The following GYPE variants were observed in gnomAD, a reference collection of about 807,000 sequenced individuals.
GYPE encodes glycophorin-E.
In GYPE, 8 loss-of-function variants were observed where a neutral mutation model predicts 11.6. The ratio of observed to expected loss-of-function variants is 0.69; its 90% CI spans 0.41 to 1.25. GYPE has a LOEUF of 1.25. Ranked by LOEUF, GYPE falls within the 50% of genes most tolerant of loss-of-function variation. The pLI, the probability that GYPE is intolerant of heterozygous loss-of-function variation, is 0.01. For missense variants in GYPE, 90 were observed against 92.8 expected (o/e 0.97, Z 0.12); for synonymous variants, 28 against 29.6 (o/e 0.94, Z 0.18).
chr4:143,872,421 A>G (rs1308197424), intron 3 of GYPE, among the ~76,000 whole-genome samples, 169 bp from the exon 4 acceptor site: 3 of 152,140 alleles, frequency 2.0e-5, no homozygotes, highest in African/African-American at 4.8e-5. Flanking sequence ...CAAATTTAAA[A>G]AATTAATTTT....
intron 1 of GYPE, among the ~76,000 whole-genome samples, chr4:143,894,804 C>G (rs2149913593): frequency 6.6e-6 from 1 of 152,130 alleles, no homozygotes; most frequent in South Asian, 2.1e-4. Flanking sequence ...AGCTTATCCA[C>G]CATGATCAAG....
rs1743612332 is a variant in GYPE, at chr4:143,871,304, A to G, written c.*958T>C. 6.6e-6 allele frequency: 1 copy of G among 152,142 alleles called. No individual in the cohort carries two copies. The highest frequency in any genetic ancestry group is 2.4e-5 in the African/African-American group (1 of 41,420). 9.4% of individuals were successfully genotyped at this position (152,142 alleles called of 1,614,324 possible). On this transcript the variant is annotated 3_prime_UTR_variant, in exon 4 of 4. Coordinates refer to ENST00000358615, the MANE Select transcript of GYPE (RefSeq NM_198682.3). ...CCTAAATCCTGGTGTTTTTATGGTT[A>G]CGGGTGGCATATAATATACAGGTAA...
intron 1 of GYPE, among the ~76,000 whole-genome samples, chr4:143,896,367 C>T (rs1464938804): frequency 6.6e-6 from 1 of 152,154 alleles, no homozygotes; most frequent in African/African-American, 2.4e-5. Flanking sequence ...AGATACTTCT[C>T]AAAAGAAGAC....
chr4:143,871,780 A>T lies in GYPE; in HGVS notation c.*482T>A, dbSNP rs570294253. 1.3e-5 allele frequency: 2 copies of T among 152,288 alleles called. No individual in the cohort carries two copies. The highest frequency in any genetic ancestry group is 3.9e-4 in the East Asian group (2 of 5,174). The allele number at this position is 152,288 out of a possible 1,614,324, so 9.4% of individuals were successfully genotyped here. On this transcript the variant is annotated 3_prime_UTR_variant, in exon 4 of 4. Coordinates refer to ENST00000358615, the MANE Select transcript of GYPE (RefSeq NM_198682.3). ...CAGTCTGTTCGGGCGGCATTTTGCC[A>T]ATATAGCCCTATCCTAAGGGAAAGG...
intron 1 of GYPE, among the ~76,000 whole-genome samples, chr4:143,902,622 T>C (rs932331993): frequency 7.2e-5 from 11 of 151,778 alleles, no homozygotes; most frequent in Non-Finnish European, 1.5e-4. Flanking sequence ...TCTTCCTTTC[T>C]CTCCCTCTCT....
chr4:143,898,923 AG>A lies in GYPE; in HGVS notation c.37+6547del, dbSNP rs1321077329. ...TTTCAGTGCCATGATCTCTATTCTC[AG>A]TTGCCTCAAATAGCTGTACTATTCA... On this transcript the variant is annotated intron_variant, in intron 1 of 3. Transcript: ENST00000358615. Among the ~76,000 whole-genome samples, 4 of 149,414 alleles carry A rather than the reference AG, an allele frequency of 2.7e-5. No homozygotes were observed. In the East Asian group the frequency reaches 7.9e-4, roughly 29 times the overall value.
At chr4:143,896,245 T>C (rs1441522695) in intron 1 of GYPE, among the ~76,000 whole-genome samples, 2 of 152,112 alleles carry the variant, frequency 1.3e-5, no homozygotes, top group East Asian at 3.9e-4. Context: ...AGAACATTTT[T>C]GCAACCTACT....
Position 143,871,577 on chromosome 4 carries a change from G to A in GYPE, c.*685C>T, listed in dbSNP as rs1441214977. 1 of 152,130 alleles carries A rather than the reference G, an allele frequency of 6.6e-6. No individual in the cohort carries two copies. The highest frequency in any genetic ancestry group is 1.5e-5 in the Non-Finnish European group (1 of 68,096). 9.4% of individuals were successfully genotyped at this position (152,130 alleles called of 1,614,324 possible). A position where few individuals can be genotyped will look rare whatever the true frequency, so the allele number is the denominator to read the frequency against. Reference sequence around the variant, plus strand: ...ACTGGAGTCTCTCGTCAGTGACCTGGTGGTGAATATATGGTAATGGGTAAA... The same window carrying A: ...ACTGGAGTCTCTCGTCAGTGACCTGATGGTGAATATATGGTAATGGGTAAA... On this transcript the variant is annotated 3_prime_UTR_variant, in exon 4 of 4. Coordinates refer to ENST00000358615, the MANE Select transcript of GYPE (RefSeq NM_198682.3).
chr4:143,881,104 G>A (rs1183796478), intron 1 of GYPE, among the ~76,000 whole-genome samples: 1 of 151,536 alleles, frequency 6.6e-6, no homozygotes, highest in Non-Finnish European at 1.5e-5. Context: ...CTATTACATT[G>A]CATGAACCCA....
intron 1 of GYPE, among the ~76,000 whole-genome samples, chr4:143,903,445 T>C (rs1744939229): frequency 7.0e-6 from 1 of 143,818 alleles, no homozygotes; most frequent in Non-Finnish European, 1.5e-5. Flanking sequence ...AGAAGATCTC[T>C]GGTAAGTTTA....
In GYPE at chr4:143,871,158, A is replaced by G. The variant is rs964058265; in HGVS notation, c.*1104T>C. ...TGGGGATTATTGGAACTACAATTCA[A>G]GATGAGATTTGAGTGGGAACACAGC... On this transcript the variant is annotated 3_prime_UTR_variant, in exon 4 of 4. Coordinates refer to ENST00000358615, the MANE Select transcript of GYPE (RefSeq NM_198682.3). 3 of 151,728 alleles carry G rather than the reference A, an allele frequency of 2.0e-5. No homozygotes were observed. The highest frequency in any genetic ancestry group is 7.3e-5 in the African/African-American group (3 of 41,024). 9.4% of individuals were successfully genotyped at this position (151,728 alleles called of 1,614,324 possible). A position where few individuals can be genotyped will look rare whatever the true frequency, so the allele number is the denominator to read the frequency against.
Position 143,900,892 on chromosome 4 carries a change from G to A in GYPE, c.37+4579C>T, listed in dbSNP as rs373694712. Among the ~76,000 whole-genome samples the A allele has an allele frequency of 1.1e-3, 162 of 152,262 alleles. 2 individuals carry two copies. The highest frequency in any genetic ancestry group is 3.7e-3 in the African/African-American group (153 of 41,552). ...TTTGGAGTGATGAAAATGTTCTGGA[G>A]CTACATAATGGTGATGGGTGTGCAT... On this transcript the variant is annotated intron_variant, in intron 1 of 3. Coordinates refer to ENST00000358615, the MANE Select transcript of GYPE (RefSeq NM_198682.3).
At chr4:143,895,830 C>G (rs1256247797) in intron 1 of GYPE, among the ~76,000 whole-genome samples, 1 of 151,980 alleles carries the variant, frequency 6.6e-6, no homozygotes, top group Admixed American at 6.6e-5. Context: ...TGGAACAGAA[C>G]AGAGCCCTCA....
intron 1 of GYPE, among the ~76,000 whole-genome samples, chr4:143,881,354 A>G (rs937438406): frequency 6.6e-6 from 1 of 152,116 alleles, no homozygotes; most frequent in African/African-American, 2.4e-5. Flanking sequence ...ATAAAATTTT[A>G]TAAATTAAAT....
At chr4:143,901,532 A>G (rs1744868021) in intron 1 of GYPE, among the ~76,000 whole-genome samples, 1 of 152,008 alleles carries the variant, frequency 6.6e-6, no homozygotes, top group African/African-American at 2.4e-5. Flanking sequence ...AGAAAACTAC[A>G]CAGATAGGTA....
At chr4:143,895,578 T>G (rs1744596808) in intron 1 of GYPE, among the ~76,000 whole-genome samples, 3 of 149,736 alleles carry the variant, frequency 2.0e-5, no homozygotes, top group African/African-American at 7.4e-5. Context: ...ATGGCCATAC[T>G]GCCCAAGGAA....
chr4:143,876,289 T>C (rs1425574702), intron 3 of GYPE, among the ~76,000 whole-genome samples: 1 of 152,122 alleles, frequency 6.6e-6, no homozygotes, highest in Non-Finnish European at 1.5e-5. Context: ...AATTTTCATA[T>C]TTTTTGTATA....
chr4:143,883,298 C>T (rs941602524), intron 1 of GYPE, among the ~76,000 whole-genome samples: 30 of 151,840 alleles, frequency 2.0e-4, no homozygotes, highest in South Asian at 2.1e-4. Flanking sequence ...TTTCCTGAGG[C>T]CTCCCCAGAA....
chr4:143,905,381 A>G (rs1391023133), intron 1 of GYPE, 90 bp downstream of exon 1: 3 of 1,592,144 alleles, frequency 1.9e-6, no homozygotes, highest in Non-Finnish European at 2.6e-6. Context: ...ATGCATTTAA[A>G]TAAGATAGAA....
Sources: gnomAD v4.1 joint callset for allele counts (sites outside exome capture counted in the v4.1 genomes callset) on GRCh38, gnomAD v4.1.1 for gene constraint, MANE v1.5 for transcripts, NCBI Gene and HGNC (gene_info 2026-07-23, HGNC 2026-07-21) for gene names.